Variants in LOC400499 observed in about 807,000 individuals in gnomAD.
chr16:11,415,826 T>C, the LOC400499 span, among the ~76,000 whole-genome samples: 19 of 151,982 alleles, frequency 1.3e-4, no homozygotes, highest in Non-Finnish European at 2.4e-4. Context: ...TCCCCTCACT[T>C]GACTGTCATG....
At chr16:11,497,863 C>A in the LOC400499 span, among the ~76,000 whole-genome samples, 2 of 151,852 alleles carry the variant, frequency 1.3e-5, no homozygotes, top group Non-Finnish European at 1.5e-5. Context: ...GAGAAGAAAA[C>A]AATCTTAATG....
At chr16:11,426,627 G>T in the LOC400499 span, among the ~76,000 whole-genome samples, 2 of 151,478 alleles carry the variant, frequency 1.3e-5, no homozygotes, top group East Asian at 1.9e-4. Flanking sequence ...AAACCTAAAT[G>T]GCATAAAAAT....
chr16:11,486,089 TGGAC>T, the LOC400499 span, among the ~76,000 whole-genome samples: 2 of 144,466 alleles, frequency 1.4e-5, no homozygotes, highest in South Asian at 2.2e-4. Flanking sequence ...TATGGATGGA[TGGAC>T]GGATAGATGG....
the LOC400499 span, among the ~76,000 whole-genome samples, chr16:11,386,572 C>T: frequency 6.6e-6 from 1 of 152,234 alleles, no homozygotes; most frequent in Admixed American, 6.5e-5. Context: ...AGGGGCTCCC[C>T]CTGCATCAAG....
chr16:11,484,965 C>T, the LOC400499 span: 2 of 399,264 alleles, frequency 5.0e-6, no homozygotes, highest in Non-Finnish European at 8.8e-6. Context: ...GGTTCTGGCC[C>T]TGGGGGTTCC....
At chr16:11,462,734 T>G in the LOC400499 span, among the ~76,000 whole-genome samples, 1 of 152,166 alleles carries the variant, frequency 6.6e-6, no homozygotes, top group East Asian at 1.9e-4. Flanking sequence ...TTCCCCAATT[T>G]TTTAAACTCT....
the LOC400499 span, among the ~76,000 whole-genome samples, chr16:11,441,623 AGAT>A: frequency 2.6e-5 from 3 of 114,240 alleles, no homozygotes; most frequent in Non-Finnish European, 3.9e-5. Flanking sequence ...GAGGATCTTG[AGAT>A]GAGGAGATTA....
chr16:11,373,830 T>G, the LOC400499 span, among the ~76,000 whole-genome samples: 4 of 150,868 alleles, frequency 2.7e-5, no homozygotes, highest in African/African-American at 9.8e-5. Flanking sequence ...ATGTTGGTCA[T>G]GCTGGTCTCA....
At chr16:11,485,130 G>A in the LOC400499 span, 13 of 398,616 alleles carry the variant, frequency 3.3e-5, no homozygotes, top group East Asian at 4.6e-4. Flanking sequence ...GGGTGATGAT[G>A]AGCTGTTAGG....
chr16:11,514,648 C>T, the LOC400499 span: 3 of 398,250 alleles, frequency 7.5e-6, no homozygotes, highest in Non-Finnish European at 1.3e-5. Context: ...GCTGTAGACC[C>T]CCCATTCCCC....
At chr16:11,442,623 T>C in the LOC400499 span, 28 of 152,358 alleles carry the variant, frequency 1.8e-4, no homozygotes, top group African/African-American at 6.7e-4. Flanking sequence ...GATTTGAGGC[T>C]TGGTGTGGTC....
At chr16:11,527,194 C>A in the LOC400499 span, among the ~76,000 whole-genome samples, 1 of 152,180 alleles carries the variant, frequency 6.6e-6, no homozygotes, top group Admixed American at 6.5e-5. Flanking sequence ...GGGCCAGCCC[C>A]GTGCCACCAG....
At chr16:11,491,780 G>A in the LOC400499 span, 2 of 398,972 alleles carry the variant, frequency 5.0e-6, no homozygotes, top group African/African-American at 4.1e-5. Flanking sequence ...TCAGGGCCAG[G>A]TAGGCATTGA....
chr16:11,469,983 G>T, the LOC400499 span, among the ~76,000 whole-genome samples: 3 of 152,126 alleles, frequency 2.0e-5, no homozygotes, highest in Admixed American at 6.5e-5. Context: ...GCTCACTGCA[G>T]CCTCTGCCTC....
At chr16:11,417,785 G>C in the LOC400499 span, 1 of 399,006 alleles carries the variant, frequency 2.5e-6, no homozygotes, top group Admixed American at 4.4e-5. Flanking sequence ...GGCCCCATCA[G>C]GATGCGTCCA....
chr16:11,401,651 C>T, the LOC400499 span, among the ~76,000 whole-genome samples: 1 of 152,236 alleles, frequency 6.6e-6, no homozygotes, highest in Non-Finnish European at 1.5e-5. Flanking sequence ...AGGTCGCGCT[C>T]CTCCTCCACT....
the LOC400499 span, chr16:11,407,300 G>T: frequency 2.5e-6 from 1 of 398,904 alleles, no homozygotes; most frequent in Non-Finnish European, 4.4e-6. Context: ...CACGCCCAAG[G>T]CGAACATGCT....
At chr16:11,423,344 G>A in the LOC400499 span, 6 of 398,528 alleles carry the variant, frequency 1.5e-5, no homozygotes, top group South Asian at 2.6e-4. Context: ...ACTTGACCCC[G>A]CCACCCTTTG....
chr16:11,402,194 C>A, the LOC400499 span: 1 of 399,042 alleles, frequency 2.5e-6, no homozygotes, highest in Non-Finnish European at 4.4e-6. Flanking sequence ...GGGTAGGGCA[C>A]GTGAGCTGAG....
Sources: gnomAD v4.1 joint callset for allele counts (sites outside exome capture counted in the v4.1 genomes callset) on GRCh38, gnomAD v4.1.1 for gene constraint, MANE v1.5 for transcripts.